Variants in WASHC3 observed in about 807,000 individuals in gnomAD.
WASHC3 encodes WASH complex subunit CCDC53.
A neutral mutation model predicts 26.1 loss-of-function variants in WASHC3; 24 were observed. The ratio of observed to expected loss-of-function variants is 0.92; its 90% CI spans 0.66 to 1.29. The LOEUF is 1.29. WASHC3 is among the 50% of genes most tolerant of loss of function. The probability of loss-of-function intolerance (pLI) is 0.00; values close to 1 mark genes in which losing one functional copy is unlikely to be tolerated. For missense variants in WASHC3, 214 were observed against 229.6 expected (o/e 0.93, Z 0.44); for synonymous variants, 77 against 75.7 (o/e 1.02, Z -0.09).
At chr12:102,028,851 T>C (rs1594354070) in intron 5 of WASHC3, among the ~76,000 whole-genome samples, 1 of 151,488 alleles carries the variant, frequency 6.6e-6, no homozygotes, top group East Asian at 1.9e-4. Flanking sequence ...AGTATAAGAA[T>C]AATAGAAACC....
At chr12:102,036,959 A>G (rs1877689367) in intron 5 of WASHC3, among the ~76,000 whole-genome samples, 1 of 152,216 alleles carries the variant, frequency 6.6e-6, no homozygotes, top group Non-Finnish European at 1.5e-5. Flanking sequence ...TTATTTTCTT[A>G]AATGCTTTTA....
rs1472906658 is a variant in WASHC3 at position 102,021,233 on chromosome 12, ATT to A, written c.500+4739_500+4740del. On this transcript the variant is annotated intron_variant, in intron 6 of 6. Transcript: ENST00000240079. Reference sequence around the variant, plus strand: ...TGAATTATAGCAGCTAGTGAGATCAATTTGGTCTTTTCTCTTTTGAATTCTCA... The same window carrying A: ...TGAATTATAGCAGCTAGTGAGATCAATGGTCTTTTCTCTTTTGAATTCTCA... Among the ~76,000 whole-genome samples, 6 of 152,338 alleles carry A rather than the reference ATT, an allele frequency of 3.9e-5. No individual in the cohort carries two copies. The South Asian group carries it at 1.2e-3, about 32-fold the overall frequency.
In WASHC3 at chr12:102,061,312, A is replaced by G. The variant is rs1296128728; in HGVS notation, c.86T>C (p.Phe29Ser). ...AGTGTGCACCACAAATTGGTTTAGA[A>G]AAGCCACCGTTCTTTTCTGTTGAAT... Reference protein sequence around the residue: ...PAIQQKRTVAFLNQFVVHTVQ... With the variant: ...PAIQQKRTVASLNQFVVHTVQ... The change falls in exon 2 of 7, where the codon TTT becomes TCT. Residue 29 changes from phenylalanine (F) to serine (S), a missense_variant. By Grantham distance (155) the Phe-to-Ser change is radical. Transcript: ENST00000240079. 1 of 1,613,846 alleles carries G rather than the reference A, an allele frequency of 6.2e-7. No homozygotes were observed. The highest frequency in any genetic ancestry group is 8.5e-7 in the Non-Finnish European group (1 of 1,179,850).
intron 2 of WASHC3, among the ~76,000 whole-genome samples, chr12:102,055,092 T>G (rs886788376): frequency 1.3e-5 from 2 of 151,328 alleles, no homozygotes. Context: ...AGAAAAACAA[T>G]AGAAAAGATC....
In WASHC3 at chr12:102,019,113, C is replaced by T. The variant is rs1298853842; in HGVS notation, c.501-5921G>A. Among the ~76,000 whole-genome samples, 4 of 151,902 alleles carry T rather than the reference C, an allele frequency of 2.6e-5. No homozygotes were observed. In the East Asian group the frequency reaches 7.7e-4, roughly 29 times the overall value. On this transcript the variant is annotated intron_variant, in intron 6 of 6. Transcript: ENST00000240079. ...CGCGGCTGGCCCCCTCATTCATGTT[C>T]AAAAAATTGGAATTGCCAGGAGAAC...
At chr12:102,034,252 GGAAGGCATATCACCATCCT>G (rs989749521) in intron 5 of WASHC3, among the ~76,000 whole-genome samples, 1 of 152,016 alleles carries the variant, frequency 6.6e-6, no homozygotes, top group Non-Finnish European at 1.5e-5. Flanking sequence ...ACAGAAAATA[GGAAGGCATATCACCATCCT>G]GAGGTATAGA....
chr12:102,017,549 G>A (rs758904467), intron 6 of WASHC3, among the ~76,000 whole-genome samples: 3 of 152,166 alleles, frequency 2.0e-5, no homozygotes, highest in Admixed American at 6.5e-5. Context: ...TGGTGTAGCA[G>A]GCTGCATTCA....
intron 5 of WASHC3, among the ~76,000 whole-genome samples, chr12:102,029,305 A>AT (rs59402410): frequency 2.0e-5 from 3 of 152,056 alleles, no homozygotes; most frequent in African/African-American, 4.8e-5. Context: ...GAACTGTGGG[A>AT]TTTTTTTTGG....
chr12:102,038,038 G>A (rs951866026), intron 5 of WASHC3, among the ~76,000 whole-genome samples: 7 of 151,934 alleles, frequency 4.6e-5, no homozygotes, highest in East Asian at 1.9e-4. Context: ...CAAGTGATCC[G>A]CCCGCCTCGG....
At chr12:102,056,238 T>C (rs1878588960) in intron 2 of WASHC3, among the ~76,000 whole-genome samples, 1 of 152,238 alleles carries the variant, frequency 6.6e-6, no homozygotes, top group Non-Finnish European at 1.5e-5. Flanking sequence ...TGAGCATCTG[T>C]AGTAAAATAT....
intron 5 of WASHC3, among the ~76,000 whole-genome samples, chr12:102,038,080 C>T (rs747736921): frequency 4.6e-5 from 7 of 152,146 alleles, no homozygotes; most frequent in Non-Finnish European, 1.0e-4. Context: ...CAGGAGTGAG[C>T]CACCATGCCC....
chr12:102,058,527 G>A (rs1878679573), intron 2 of WASHC3, among the ~76,000 whole-genome samples: 1 of 152,106 alleles, frequency 6.6e-6, no homozygotes, highest in Non-Finnish European at 1.5e-5. Context: ...TCAATAGAGT[G>A]AAGAGAACCT....
chr12:102,061,429 G>A (rs1878807270), intron 1 of WASHC3, 83 bp from the exon 2 acceptor site: 5 of 879,536 alleles, frequency 5.7e-6, no homozygotes, highest in South Asian at 2.8e-5. Flanking sequence ...ATAATCACGA[G>A]GCACTTTGCT....
intron 2 of WASHC3, among the ~76,000 whole-genome samples, chr12:102,054,658 T>C (rs984681469): frequency 1.3e-5 from 2 of 152,198 alleles, no homozygotes; most frequent in African/African-American, 4.8e-5. Context: ...TTATATGATA[T>C]GCCACAAAAC....
At chr12:102,021,247 CTT>C (rs1472914122) in intron 6 of WASHC3, among the ~76,000 whole-genome samples, 2 of 152,144 alleles carry the variant, frequency 1.3e-5, no homozygotes, top group African/African-American at 4.8e-5. Context: ...GGTCTTTTCT[CTT>C]TTGAATTCTC....
At chr12:102,041,112 T>C (rs1432563707) in intron 4 of WASHC3, among the ~76,000 whole-genome samples, 3 of 151,360 alleles carry the variant, frequency 2.0e-5, no homozygotes, top group East Asian at 3.8e-4. Flanking sequence ...TATATATATA[T>C]ACATATATAT....
chr12:102,060,800 A>G (rs1450011471), intron 2 of WASHC3, among the ~76,000 whole-genome samples: 3 of 151,792 alleles, frequency 2.0e-5, no homozygotes, highest in Non-Finnish European at 4.4e-5. Flanking sequence ...TACTAAATAT[A>G]AAAAATTAGC....
At chr12:102,029,787 C>T (rs1256305744) in intron 5 of WASHC3, among the ~76,000 whole-genome samples, 1 of 152,040 alleles carries the variant, frequency 6.6e-6, no homozygotes, top group African/African-American at 2.4e-5. Flanking sequence ...TTCTTCCCTA[C>T]CTAAGGCAAC....
At chr12:102,053,978 A>T (rs1878495322) in intron 2 of WASHC3, among the ~76,000 whole-genome samples, 1 of 152,236 alleles carries the variant, frequency 6.6e-6, no homozygotes, top group African/African-American at 2.4e-5. Context: ...AAAAGTGCAG[A>T]GGTTTTTTAT....
Sources: allele counts gnomAD v4.1 joint callset (sites outside exome capture counted in the v4.1 genomes callset), GRCh38; gene constraint gnomAD v4.1.1; transcripts MANE v1.5; gene names NCBI Gene and HGNC (gene_info 2026-07-23, HGNC 2026-07-21).